Variants in MAD1L1 observed in about 807,000 individuals in gnomAD.
The protein encoded by MAD1L1 is mitotic spindle assembly checkpoint protein MAD1.
A neutral mutation model predicts 96.9 loss-of-function variants in MAD1L1; 95 were observed. The ratio of observed to expected loss-of-function variants is 0.98; its 90% confidence interval spans 0.83 to 1.16. The LOEUF is 1.16. Among genes scored for constraint, MAD1L1 ranks in the 50% most tolerant of loss-of-function variants. MAD1L1 has a pLI of 0.00. For synonymous variants in MAD1L1, 473 were observed against 396.6 expected (o/e 1.19, Z -2.29); for missense variants, 1,007 against 954.4 (o/e 1.06, Z -0.73).
At chr7:1,939,326 TACAC>T (rs569016510) in intron 16 of MAD1L1, among the ~76,000 whole-genome samples, 33 of 93,596 alleles carry the variant, frequency 3.5e-4, no homozygotes, top group Admixed American at 2.0e-3. Context: ...CACACACACA[TACAC>T]ACACACACAG....
chr7:1,917,072 G>A (rs1246411538), intron 17 of MAD1L1, among the ~76,000 whole-genome samples: 1 of 152,194 alleles, frequency 6.6e-6, no homozygotes, highest in Non-Finnish European at 1.5e-5. Context: ...GGACAAGGAT[G>A]CCCACAGCTC....
At chr7:2,065,540 G>C (rs1000670720) in intron 12 of MAD1L1, among the ~76,000 whole-genome samples, 2 of 152,230 alleles carry the variant, frequency 1.3e-5, no homozygotes, top group Non-Finnish European at 2.9e-5. Context: ...ACCAACCCCA[G>C]CTTCGGAGGA....
intron 17 of MAD1L1, among the ~76,000 whole-genome samples, chr7:1,934,380 C>A (rs781186481): frequency 5.9e-5 from 9 of 152,148 alleles, no homozygotes; most frequent in Non-Finnish European, 1.3e-4. Flanking sequence ...AACAGACGGG[C>A]GAACCCGAGA....
chr7:2,081,259 A>G (rs3800883), intron 11 of MAD1L1, among the ~76,000 whole-genome samples: 106,155 of 151,972 alleles, frequency 0.7, 37,393 homozygotes, highest in South Asian at 0.79. Context: ...CAGAGGAGTC[A>G]CTTGGGGCCA....
chr7:2,080,458 C>T (rs1214469593), intron 11 of MAD1L1, among the ~76,000 whole-genome samples: 2 of 152,226 alleles, frequency 1.3e-5, no homozygotes, highest in Admixed American at 1.3e-4. Flanking sequence ...CTCCCCGCCT[C>T]GGCCACTGCA....
rs142478986 is a variant in MAD1L1, at chr7:2,086,507, G to A, written c.1074-17169C>T. Among the ~76,000 whole-genome samples, 861 of 152,310 alleles carry A rather than the reference G, an allele frequency of 5.7e-3. 10 individuals carry two copies. Among genetic ancestry groups the A allele is most frequent in the African/African-American group, 0.02 (815 of 41,570 alleles). On this transcript the variant is annotated intron_variant, in intron 11 of 18. Transcript: ENST00000265854. ...CACGGCCTCTGCCCATGGGAAAGCCGTAAACGCTGCAGGCAGGGAGACAGG... is the reference window on the plus strand; with the variant it reads ...CACGGCCTCTGCCCATGGGAAAGCCATAAACGCTGCAGGCAGGGAGACAGG...
rs182335047 is a variant in MAD1L1, at chr7:2,171,498, G to A, written c.987-22260C>T. On this transcript the variant is annotated intron_variant, in intron 10 of 18. Coordinates refer to ENST00000265854, the MANE Select transcript of MAD1L1 (RefSeq NM_001013836.2). Reference sequence around the variant, plus strand: ...AGGACAGCAGAGAAGGACAGCAGCCGGAGGGTGGAGATGGGACACGTATGG... The same window carrying A: ...AGGACAGCAGAGAAGGACAGCAGCCAGAGGGTGGAGATGGGACACGTATGG... Among the ~76,000 whole-genome samples, 33 of 137,040 alleles carry A rather than the reference G, an allele frequency of 2.4e-4. No individual in the cohort carries two copies. The East Asian group carries it at 5.6e-3, about 23-fold the overall frequency. The allele number at this position is 137,040 out of a possible 152,430, so 89.9% of individuals were successfully genotyped here.
At chr7:2,056,297 T>C (rs930027382) in intron 12 of MAD1L1, among the ~76,000 whole-genome samples, 2 of 152,216 alleles carry the variant, frequency 1.3e-5, no homozygotes, top group African/African-American at 4.8e-5. Flanking sequence ...GTGCCGATCA[T>C]GAAGCCTCAG....
At chr7:2,031,754 G>A (rs558804859) in intron 12 of MAD1L1, among the ~76,000 whole-genome samples, 21 of 152,370 alleles carry the variant, frequency 1.4e-4, no homozygotes, top group East Asian at 1.2e-3. Context: ...CCTGACCCAC[G>A]CGGATATGGG....
chr7:2,194,658 G>A (rs774349417), intron 10 of MAD1L1, among the ~76,000 whole-genome samples: 4 of 152,186 alleles, frequency 2.6e-5, no homozygotes, highest in East Asian at 3.9e-4. Context: ...CAGAAAAAAC[G>A]TACCAGACTC....
chr7:2,093,655 A>T (rs1786328530), intron 11 of MAD1L1, among the ~76,000 whole-genome samples: 1 of 152,096 alleles, frequency 6.6e-6, no homozygotes, highest in South Asian at 2.1e-4. Context: ...CAGCTCACAG[A>T]ATGTGGGGAA....
At chr7:2,012,468 C>T (rs752987310) in intron 13 of MAD1L1, among the ~76,000 whole-genome samples, 2 of 152,244 alleles carry the variant, frequency 1.3e-5, no homozygotes, top group South Asian at 2.1e-4. Flanking sequence ...CTTAGGTTTA[C>T]GACAGCTCCC....
intron 17 of MAD1L1, among the ~76,000 whole-genome samples, chr7:1,916,892 G>A (rs1367859201): frequency 6.6e-6 from 1 of 152,052 alleles, no homozygotes; most frequent in Non-Finnish European, 1.5e-5. Flanking sequence ...GCGAGACCAG[G>A]GCACCCCCAT....
At chr7:2,126,485 C>A (rs927371942) in intron 11 of MAD1L1, among the ~76,000 whole-genome samples, 2 of 152,182 alleles carry the variant, frequency 1.3e-5, no homozygotes, top group African/African-American at 2.4e-5. Flanking sequence ...TATCTTCCCC[C>A]CTCAGGCCTG....
At chr7:1,923,886 G>T (rs1788944295) in intron 17 of MAD1L1, among the ~76,000 whole-genome samples, 1 of 152,236 alleles carries the variant, frequency 6.6e-6, no homozygotes, top group African/African-American at 2.4e-5. Context: ...GGACTGTGGA[G>T]GACACAAGGT....
chr7:2,156,951 A>G (rs1272845747), intron 10 of MAD1L1, among the ~76,000 whole-genome samples: 1 of 152,182 alleles, frequency 6.6e-6, no homozygotes, highest in Non-Finnish European at 1.5e-5. Context: ...TGTCACCAGG[A>G]TGCCACCCAC....
chr7:2,230,187 C>T lies in MAD1L1; in HGVS notation c.-10-44G>A, dbSNP rs761911644. The T allele has an allele frequency of 4.5e-5, 68 of 1,523,762 alleles. 1 individual carries two copies. The highest frequency in any genetic ancestry group is 2.1e-4 in the South Asian group (17 of 82,228). The allele number at this position is 1,523,762 out of a possible 1,614,324, so 94.4% of individuals were successfully genotyped here. On this transcript the variant is annotated intron_variant, in intron 2 of 18. Coordinates refer to ENST00000265854, the MANE Select transcript of MAD1L1 (RefSeq NM_001013836.2). ...GGACTGGTCAGGGGCAGCCTTTCCA[C>T]GTGCCATCAGCCGTGCAGTCAGCAG... is the stretch of plus-strand genomic sequence containing the variant.
chr7:1,828,751 G>A (rs183647319), intron 18 of MAD1L1, among the ~76,000 whole-genome samples: 50 of 143,676 alleles, frequency 3.5e-4, no homozygotes, highest in African/African-American at 1.2e-3. Flanking sequence ...ACACAGCCTC[G>A]CAGCACTCAA....
intron 11 of MAD1L1, among the ~76,000 whole-genome samples, chr7:2,120,542 G>A (rs946388681): frequency 6.6e-6 from 1 of 152,178 alleles, no homozygotes; most frequent in Non-Finnish European, 1.5e-5. Context: ...CCACACCCAG[G>A]GCGCTGCCTT....
Sources: allele counts gnomAD v4.1 joint callset (sites outside exome capture counted in the v4.1 genomes callset), GRCh38; gene constraint gnomAD v4.1.1; transcripts MANE v1.5; gene names NCBI Gene and HGNC (gene_info 2026-07-23, HGNC 2026-07-21).